CATSPERG: variants seen among roughly 807,000 people sequenced by gnomAD.
CATSPERG encodes catsper channel auxiliary subunit gamma.
In CATSPERG, 115 loss-of-function variants were observed where a neutral mutation model predicts 145.0. The observed-to-expected ratio is 0.79, with a 90% confidence interval of 0.68 to 0.93. The LOEUF (loss-of-function observed/expected upper bound fraction) is 0.93. Ranked by LOEUF, CATSPERG falls within the 40% of genes least tolerant of loss-of-function variation. The pLI is 0.00. For missense variants in CATSPERG, 1,296 were observed against 1,490.1 expected, an observed-to-expected ratio of 0.87 and a Z score of 2.14; for synonymous variants, 588 against 589.0, an observed-to-expected ratio of 1.00 and a Z score of 0.02.
At chr19:38,351,692 A>G (rs1970144214) in intron 7 of CATSPERG, among the ~76,000 whole-genome samples, 1 of 152,076 alleles carries the variant, frequency 6.6e-6, no homozygotes, top group Non-Finnish European at 1.5e-5. Context: ...GGATTGCTTG[A>G]GCACAGGAGT....
chr19:38,370,104 C>A (rs750462350), intron 27 of CATSPERG, 40 bp downstream of exon 27: 16 of 1,612,598 alleles, frequency 9.9e-6, no homozygotes, highest in Non-Finnish European at 1.1e-5. Context: ...TCAGGGGCTG[C>A]CCATGGAATG....
chr19:38,364,251 G>A (rs997354620), intron 20 of CATSPERG, among the ~76,000 whole-genome samples: 56 of 152,196 alleles, frequency 3.7e-4, no homozygotes, highest in African/African-American at 1.2e-3. Flanking sequence ...CAGACGGGGC[G>A]GTTGCCAGGC....
rs536195914 is a variant in CATSPERG at position 38,363,920 on chromosome 19, C to T, written c.2476-971C>T. Among the ~76,000 whole-genome samples, 17 of 152,386 alleles carry T rather than the reference C, an allele frequency of 1.1e-4. No individual in the cohort carries two copies. The East Asian group carries it at 2.7e-3, about 24-fold the overall frequency. ...TCTCAATCTTTTCCCCACCCTTCCC[C>T]GCTTTCCACTCCACAAAACCGCCAT... On this transcript the variant is annotated intron_variant, in intron 20 of 28. Transcript: ENST00000409235.
chr19:38,338,474 TAGG>T (rs1016543344), intron 3 of CATSPERG, among the ~76,000 whole-genome samples: 1 of 152,126 alleles, frequency 6.6e-6, no homozygotes, highest in African/African-American at 2.4e-5. Context: ...AAGCTATGAG[TAGG>T]AGTTTACCAT....
Position 38,360,514 on chromosome 19 carries a change from A to T in CATSPERG, c.1634A>T (p.Tyr545Phe). 1.2e-6 allele frequency: 2 copies of T among 1,614,122 alleles called. No individual in the cohort carries two copies. Among genetic ancestry groups the T allele is most frequent in the Non-Finnish European group, 1.7e-6 (2 of 1,180,030 alleles). The change falls in exon 15 of 29, where the codon TAC becomes TTC. Residue 545 changes from tyrosine (Y) to phenylalanine (F), a missense_variant. By Grantham distance (22) the Tyr-to-Phe change is conservative. Coordinates refer to ENST00000409235, the MANE Select transcript of CATSPERG (RefSeq NM_021185.5). ...ATCTGGTACCTCCTGGAGGGCAGCT[A>T]CCGGGTCTACCAGCTGTTCCCTTCC... is the stretch of plus-strand genomic sequence containing the variant. ...EEIWYLLEGS[Y>F]RVYQLFPSKG...
Position 38,343,962 on chromosome 19 carries a change from A to G in CATSPERG, c.470-31A>G, listed in dbSNP as rs1004710370. On this transcript the variant is annotated intron_variant, in intron 4 of 28. Transcript: ENST00000409235. ...CTGGAACCGGCCATTGGGAGGCCCCAGCAGTTTCAGTGCCCAGGGCCTCCC... is the reference window on the plus strand; with the variant it reads ...CTGGAACCGGCCATTGGGAGGCCCCGGCAGTTTCAGTGCCCAGGGCCTCCC... 9.7e-6 allele frequency: 15 copies of G among 1,547,030 alleles called. 1 individual carries two copies. In the African/African-American group the frequency reaches 1.8e-4, roughly 18 times the overall value.
chr19:38,349,510 C>G (rs1404522333), intron 7 of CATSPERG: 1 of 152,374 alleles, frequency 6.6e-6, no homozygotes, highest in African/African-American at 2.4e-5. Flanking sequence ...GCTCCTGTCT[C>G]TCTCCACCAC....
intron 20 of CATSPERG, 39 bp downstream of exon 20, chr19:38,362,871 GTTT>G (rs553363428): frequency 0.032 from 13,707 of 433,350 alleles, no homozygotes; most frequent in Middle Eastern, 0.047. Flanking sequence ...GGGAGGTTTT[GTTT>G]TTTTTTTTTT....
chr19:38,346,843 C>T (rs1373676189), intron 7 of CATSPERG, among the ~76,000 whole-genome samples: 1 of 152,204 alleles, frequency 6.6e-6, no homozygotes, highest in Non-Finnish European at 1.5e-5. Flanking sequence ...ACGACCCGGT[C>T]TTCAGATTCC....
chr19:38,361,892 G>A (rs1970352718), intron 17 of CATSPERG, 31 bp downstream of exon 17: 1 of 1,570,760 alleles, frequency 6.4e-7, no homozygotes, highest in Non-Finnish European at 8.7e-7. Flanking sequence ...GGGCAGGCCT[G>A]AGACGGGACT....
At chr19:38,367,870 C>T (rs1970481816) in intron 25 of CATSPERG, 94 bp downstream of exon 25, 3 of 1,289,468 alleles carry the variant, frequency 2.3e-6, no homozygotes, top group Admixed American at 1.7e-5. Flanking sequence ...GCCCCCACCT[C>T]TGCGTCTCAG....
chr19:38,359,713 A>C, intron 14 of CATSPERG, 132 bp downstream of exon 14: 1 of 1,411,458 alleles, frequency 7.1e-7, no homozygotes, highest in South Asian at 1.5e-5. Context: ...AGGGCAGTGA[A>C]GCTCCATTTA....
intron 3 of CATSPERG, among the ~76,000 whole-genome samples, chr19:38,339,250 T>C (rs907600504): frequency 6.8e-6 from 1 of 147,978 alleles, no homozygotes; most frequent in African/African-American, 2.4e-5. Context: ...CAATCAATCC[T>C]GGGAGCGCAA....
At chr19:38,363,004 C>CTGGGACTG (rs1970381142) in intron 20 of CATSPERG, among the ~76,000 whole-genome samples, 172 bp downstream of exon 20, 1 of 150,696 alleles carries the variant, frequency 6.6e-6, no homozygotes, top group Non-Finnish European at 1.5e-5. Flanking sequence ...TCCTGAGTAG[C>CTGGGACTG]TGGGACTGCA....
intron 16 of CATSPERG, 143 bp from the exon 17 acceptor site, chr19:38,361,505 G>A (rs996536413): frequency 2.5e-5 from 17 of 679,064 alleles, no homozygotes; most frequent in Non-Finnish European, 4.3e-5. Flanking sequence ...AGAGGCCTCT[G>A]GGCAGCAGGG....
chr19:38,370,581 T>C lies in CATSPERG; in HGVS notation c.3269T>C (p.Leu1090Pro). The C allele has an allele frequency of 6.2e-7, 1 of 1,614,218 alleles. No homozygotes were observed. The highest frequency in any genetic ancestry group is 8.5e-7 in the Non-Finnish European group (1 of 1,180,046). ...LVIFYIAFCL[L>P]WPLVVKGCTM... ...ATCTTCTACATCGCCTTCTGCCTCC[T>C]GTGGCCCCTCGTGGTGAAGGGCTGC... Residue 1090 changes from leucine to proline, a missense_variant, in exon 29 of 29, where the codon CTG becomes CCG. Transcript: ENST00000409235.
At chr19:38,352,527 G>A in intron 8 of CATSPERG, 95 bp downstream of exon 8, 1 of 1,292,912 alleles carries the variant, frequency 7.7e-7, no homozygotes, top group Non-Finnish European at 1.1e-6. Flanking sequence ...TGTGGGTGAG[G>A]CATTGGGGAA....
intron 26 of CATSPERG, 95 bp from the exon 27 acceptor site, chr19:38,369,877 G>T: frequency 9.2e-7 from 1 of 1,087,808 alleles, no homozygotes; most frequent in Non-Finnish European, 1.4e-6. Context: ...GCACCCATTT[G>T]GTCCTCACCG....
intron 22 of CATSPERG, 145 bp from the exon 23 acceptor site, chr19:38,367,011 G>C (rs1457535028): frequency 2.9e-6 from 2 of 692,190 alleles, no homozygotes; most frequent in African/African-American, 3.6e-5. Context: ...TGATATTAAT[G>C]ACCATATTGC....
Sources: allele counts gnomAD v4.1 joint callset (sites outside exome capture counted in the v4.1 genomes callset), GRCh38; gene constraint gnomAD v4.1.1; transcripts MANE v1.5; gene names NCBI Gene and HGNC (gene_info 2026-07-23, HGNC 2026-07-21).